The following MAN1A2 variants were observed in gnomAD, a reference collection of about 807,000 sequenced individuals.
MAN1A2 encodes mannosidase alpha class 1A member 2.
In MAN1A2, 26 loss-of-function variants were observed where a neutral mutation model predicts 75.7. That is an observed-to-expected ratio of 0.34 (90% CI 0.25 to 0.48). The LOEUF (loss-of-function observed/expected upper bound fraction) is 0.48. Ranked by LOEUF, MAN1A2 falls within the 20% of genes least tolerant of loss-of-function variation. The pLI, the probability that MAN1A2 is intolerant of heterozygous loss-of-function variation, is 0.99. For missense variants in MAN1A2, 562 were observed against 775.5 expected, an observed-to-expected ratio of 0.72 and a Z score of 3.27; for synonymous variants, 247 against 264.6, an observed-to-expected ratio of 0.93 and a Z score of 0.65.
rs548974198 is a variant in MAN1A2, at chr1:117,456,213, T to C, written c.951-4276T>C. Among the ~76,000 whole-genome samples, 50 of 152,180 alleles carry C rather than the reference T, an allele frequency of 3.3e-4. 1 individual carries two copies. The highest frequency in any genetic ancestry group is 7.2e-4 in the Admixed American group (11 of 15,270). ...ACAGGTTGAACGTTCAAGAGTAAGG[T>C]CATTTGTTAAGCAAATTTGGTAGTC... On this transcript the variant is annotated intron_variant, in intron 6 of 12. Transcript: ENST00000356554.
chr1:117,379,816 A>G (rs1557926095), intron 1 of MAN1A2, among the ~76,000 whole-genome samples: 1 of 152,114 alleles, frequency 6.6e-6, no homozygotes, highest in African/African-American at 2.4e-5. Flanking sequence ...AGGTATTAGC[A>G]CTTCATTTCT....
chr1:117,442,763 T>C (rs1649079684), intron 6 of MAN1A2, among the ~76,000 whole-genome samples: 1 of 152,142 alleles, frequency 6.6e-6, no homozygotes, highest in Non-Finnish European at 1.5e-5. Flanking sequence ...TTCCTATTGC[T>C]GAATGTCATA....
intron 12 of MAN1A2, among the ~76,000 whole-genome samples, chr1:117,520,565 A>G (rs1651842330): frequency 6.6e-6 from 1 of 152,088 alleles, no homozygotes; most frequent in Non-Finnish European, 1.5e-5. Flanking sequence ...AGCCGCTTTT[A>G]CAATAACTGC....
chr1:117,424,220 G>T (rs1403981351), intron 5 of MAN1A2, among the ~76,000 whole-genome samples: 3 of 152,104 alleles, frequency 2.0e-5, no homozygotes, highest in South Asian at 4.2e-4. Flanking sequence ...CTGAGGCAGA[G>T]AATGGTTTTA....
chr1:117,500,000 A>G (rs993551056), intron 11 of MAN1A2, among the ~76,000 whole-genome samples: 1 of 151,798 alleles, frequency 6.6e-6, no homozygotes, highest in African/African-American at 2.4e-5. Context: ...TTCGTATTCA[A>G]ATTGTTTAAC....
intron 1 of MAN1A2, among the ~76,000 whole-genome samples, chr1:117,377,476 G>A (rs1653189983): frequency 6.6e-6 from 1 of 152,102 alleles, no homozygotes; most frequent in Non-Finnish European, 1.5e-5. Context: ...TTATCCTTGG[G>A]AAATTTTCAC....
chr1:117,464,184 G>GGTGAAACCA, intron 7 of MAN1A2, among the ~76,000 whole-genome samples: 1 of 151,498 alleles, frequency 6.6e-6, no homozygotes, highest in East Asian at 1.9e-4. Context: ...TGGGCAACAT[G>GGTGAAACCA]GTGAAACCAC....
chr1:117,370,463 A>G (rs1306665563), intron 1 of MAN1A2, among the ~76,000 whole-genome samples: 1 of 152,184 alleles, frequency 6.6e-6, no homozygotes, highest in Non-Finnish European at 1.5e-5. Flanking sequence ...ATCAGTTGAC[A>G]TTTGCTTTAG....
At chr1:117,372,920 A>G (rs546670020) in intron 1 of MAN1A2, among the ~76,000 whole-genome samples, 3 of 152,070 alleles carry the variant, frequency 2.0e-5, no homozygotes, top group Non-Finnish European at 4.4e-5. Flanking sequence ...AGGGTCAGGT[A>G]TATGTTTACC....
intron 3 of MAN1A2, among the ~76,000 whole-genome samples, chr1:117,411,489 G>A (rs1423989226): frequency 6.6e-6 from 1 of 151,750 alleles, no homozygotes; most frequent in Non-Finnish European, 1.5e-5. Flanking sequence ...AAACACTTGA[G>A]AACATCTTTG....
At position 117,407,549 on chromosome 1, in the gene MAN1A2, A is replaced by G. The variant is rs534729084; in HGVS notation, c.655+1904A>G. Among the ~76,000 whole-genome samples, 66 of 152,286 alleles carry G rather than the reference A, an allele frequency of 4.3e-4. 1 individual carries two copies. The highest frequency in any genetic ancestry group is 6.2e-4 in the South Asian group (3 of 4,826). On this transcript the variant is annotated intron_variant, in intron 3 of 12. Coordinates refer to ENST00000356554, the MANE Select transcript of MAN1A2 (RefSeq NM_006699.5). ...CAATATTCTAGATTTTAGGGAAAAC[A>G]TTAACTTAAAACACTCTTTTTGTTA...
In MAN1A2 at chr1:117,414,762, T is replaced by C. The variant is rs150356342; in HGVS notation, c.705T>C (p.Tyr235=). Reference sequence around the variant, plus strand: ...TAGTAGATGCTTTGGATACCCTTTATATCATGGGACTTCATGATGAATTCC... The same window carrying C: ...TAGTAGATGCTTTGGATACCCTTTACATCATGGGACTTCATGATGAATTCC... ...ATIVDALDTL[Y]IMGLHDEFLD... The change falls in exon 4 of 13, where the codon TAT becomes TAC. Residue 235 remains tyrosine (Y), a synonymous_variant. Coordinates refer to ENST00000356554, the MANE Select transcript of MAN1A2 (RefSeq NM_006699.5). 1.9e-4 allele frequency: 314 copies of C among 1,611,026 alleles called. No homozygotes were observed. The African/African-American group carries it at 3.9e-3, about 20-fold the overall frequency.
At chr1:117,490,351 T>C (rs1650841907) in intron 8 of MAN1A2, among the ~76,000 whole-genome samples, 1 of 152,032 alleles carries the variant, frequency 6.6e-6, no homozygotes, top group Non-Finnish European at 1.5e-5. Context: ...CTTAGTATTA[T>C]GTATGTTATA....
chr1:117,386,225 A>T (rs1653520717), intron 1 of MAN1A2, among the ~76,000 whole-genome samples: 1 of 152,204 alleles, frequency 6.6e-6, no homozygotes. Context: ...AAATAAGGGG[A>T]TGAAGTTTTT....
intron 6 of MAN1A2, among the ~76,000 whole-genome samples, chr1:117,444,161 G>C (rs1557953167): frequency 6.6e-6 from 1 of 151,964 alleles, no homozygotes; most frequent in South Asian, 2.1e-4. Flanking sequence ...TACGATTCCA[G>C]GTTACTCAAT....
intron 5 of MAN1A2, among the ~76,000 whole-genome samples, chr1:117,426,214 CTTTT>C (rs578167853): frequency 6.9e-6 from 1 of 145,882 alleles, no homozygotes; most frequent in African/African-American, 2.5e-5. Context: ...TGTAATAGGT[CTTTT>C]TTTTTTCATT....
intron 1 of MAN1A2, among the ~76,000 whole-genome samples, chr1:117,395,903 T>A (rs1002077238): frequency 3.9e-5 from 6 of 152,162 alleles, no homozygotes; most frequent in Non-Finnish European, 4.4e-5. Flanking sequence ...GGATCCAGAT[T>A]AAAATCAGCC....
At chr1:117,398,526 T>G (rs1647292721) in intron 1 of MAN1A2, among the ~76,000 whole-genome samples, 1 of 151,940 alleles carries the variant, frequency 6.6e-6, no homozygotes, top group Admixed American at 6.6e-5. Context: ...TACAAAAAAT[T>G]AGCCAGGCGT....
intron 12 of MAN1A2, among the ~76,000 whole-genome samples, chr1:117,506,803 G>A (rs1319683853): frequency 2.6e-5 from 4 of 151,602 alleles, no homozygotes; most frequent in African/African-American, 9.6e-5. Flanking sequence ...TAGCTATAAA[G>A]TAGACCATGG....
Sources: gnomAD v4.1 joint callset for allele counts (sites outside exome capture counted in the v4.1 genomes callset) on GRCh38, gnomAD v4.1.1 for gene constraint, MANE v1.5 for transcripts, NCBI Gene and HGNC (gene_info 2026-07-23, HGNC 2026-07-21) for gene names.